The following SMCHD1 variants were observed in gnomAD, a reference collection of about 807,000 sequenced individuals.
SMCHD1 encodes the protein structural maintenance of chromosomes flexible hinge domain-containing protein 1.
A neutral mutation model predicts 254.7 loss-of-function variants in SMCHD1; 78 were observed. The ratio of observed to expected loss-of-function variants is 0.31; its 90% CI spans 0.26 to 0.37. The LOEUF is 0.37. Among genes scored for constraint, SMCHD1 ranks in the 10% least tolerant of loss-of-function variants. SMCHD1 has a pLI of 1.00. For synonymous variants in SMCHD1, 766 were observed against 794.9 expected (o/e 0.96, Z 0.61); for missense variants, 1,840 against 2,408.1 (o/e 0.76, Z 4.94).
chr18:2,751,616 T>C (rs1432367431), intron 33 of SMCHD1, among the ~76,000 whole-genome samples: 1 of 152,116 alleles, frequency 6.6e-6, no homozygotes, highest in African/African-American at 2.4e-5. Context: ...TTCTTAACAT[T>C]TTAAGATGCC....
chr18:2,656,375 G>A, intron 1 of SMCHD1, 114 bp downstream of exon 1: 3 of 1,023,540 alleles, frequency 2.9e-6, no homozygotes, highest in African/African-American at 1.7e-5. Flanking sequence ...CCGGTCCTGC[G>A]GCCTTGGCTT....
chr18:2,770,830 G>A (rs6506030), intron 39 of SMCHD1, among the ~76,000 whole-genome samples: 96,213 of 151,904 alleles, frequency 0.63, 31,227 homozygotes, highest in African/African-American at 0.79. Context: ...CATGTTGGCC[G>A]GGCTGGTCTC....
At chr18:2,738,950 T>C (rs1354305992) in intron 26 of SMCHD1, among the ~76,000 whole-genome samples, 1 of 152,188 alleles carries the variant, frequency 6.6e-6, no homozygotes, top group Non-Finnish European at 1.5e-5. Flanking sequence ...GGGACAGAAT[T>C]AAGTGAATGT....
Position 2,739,320 on chromosome 18 carries a change from T to C in SMCHD1, c.3426-112T>C, listed in dbSNP as rs148600037. The C allele has an allele frequency of 5.1e-3, 3,762 of 731,904 alleles. 17 individuals are homozygous for C. The highest frequency in any genetic ancestry group is 6.2e-3 in the Non-Finnish European group (2,632 of 421,420). The allele number at this position is 731,904 out of a possible 1,614,324, so 45.3% of individuals were successfully genotyped here. A position where few individuals can be genotyped will look rare whatever the true frequency, so the allele number is the denominator to read the frequency against. On this transcript the variant is annotated intron_variant, in intron 26 of 47. Transcript: ENST00000320876. ...TAAACAGTTATTTGAAGGAGTGTTA[T>C]TGTATTTGAGTTATTGGATATGAAC...
Position 2,763,629 on chromosome 18 carries a change from G to T in SMCHD1, c.4567-8G>T, listed in dbSNP as rs1296616731. The T allele has an allele frequency of 3.9e-6, 6 of 1,546,694 alleles. No homozygotes were observed. Among genetic ancestry groups the T allele is most frequent in the Non-Finnish European group, 3.5e-6 (4 of 1,154,340 alleles). On this transcript the variant is annotated splice_region_variant and splice_polypyrimidine_tract_variant and intron_variant, in intron 36 of 47. Coordinates refer to ENST00000320876, the MANE Select transcript of SMCHD1 (RefSeq NM_015295.3). ...TTTCTCTAATTGTTTTCCATTTTTT[G>T]TTTTAAGGATGACTACGACAACCAT... is the stretch of plus-strand genomic sequence containing the variant.
intron 5 of SMCHD1, among the ~76,000 whole-genome samples, chr18:2,678,182 G>T (rs553821306): frequency 2.0e-5 from 3 of 152,086 alleles, no homozygotes; most frequent in Middle Eastern, 3.4e-3. Flanking sequence ...GATTTACAAA[G>T]AATGCATTTA....
chr18:2,662,164 T>C (rs2073286670), intron 1 of SMCHD1, among the ~76,000 whole-genome samples: 1 of 59,068 alleles, frequency 1.7e-5, no homozygotes, highest in African/African-American at 1.0e-4. Context: ...AGACTCCGTC[T>C]CAAAAAAAAA....
chr18:2,689,239 A>G (rs1306852490), intron 7 of SMCHD1, among the ~76,000 whole-genome samples: 1 of 128,468 alleles, frequency 7.8e-6, no homozygotes, highest in African/African-American at 2.9e-5. Flanking sequence ...TTTTTTTGAG[A>G]TGGAGTCTCA....
intron 30 of SMCHD1, among the ~76,000 whole-genome samples, chr18:2,748,018 A>G (rs1255919960): frequency 6.6e-6 from 1 of 152,202 alleles, no homozygotes; most frequent in African/African-American, 2.4e-5. Flanking sequence ...TTGGGGAAAC[A>G]TACATGGTGA....
At chr18:2,738,071 T>C (rs1304096885) in intron 25 of SMCHD1, among the ~76,000 whole-genome samples, 1 of 152,218 alleles carries the variant, frequency 6.6e-6, no homozygotes, top group African/African-American at 2.4e-5. Context: ...AATATTGCTT[T>C]TCAGAATTAA....
chr18:2,726,057 G>A (rs1325293554), intron 21 of SMCHD1, among the ~76,000 whole-genome samples: 1 of 151,572 alleles, frequency 6.6e-6, no homozygotes, highest in East Asian at 1.9e-4. Context: ...GTACCACATT[G>A]CATTTCAAAA....
chr18:2,748,389 AATTTTTTTT>A (rs2075507118), intron 30 of SMCHD1, among the ~76,000 whole-genome samples: 1 of 22,658 alleles, frequency 4.4e-5, no homozygotes, highest in Non-Finnish European at 7.6e-5. Context: ...TGTGTATATA[AATTTTTTTT>A]TTTTTTTTTT....
chr18:2,721,559 A>G (rs926357029), intron 19 of SMCHD1, among the ~76,000 whole-genome samples: 17 of 151,252 alleles, frequency 1.1e-4, no homozygotes, highest in African/African-American at 3.2e-4. Context: ...CTTTTTGGGG[A>G]AAAAAAAATT....
At chr18:2,699,693 A>T (rs542929248) in intron 10 of SMCHD1, among the ~76,000 whole-genome samples, 3 of 152,360 alleles carry the variant, frequency 2.0e-5, no homozygotes, top group Non-Finnish European at 4.4e-5. Context: ...AATAGACAAA[A>T]AGATATAATT....
chr18:2,795,903 G>T, intron 45 of SMCHD1, 46 bp from the exon 46 acceptor site: 1 of 1,506,778 alleles, frequency 6.6e-7, no homozygotes, highest in South Asian at 1.3e-5. Context: ...ACATGAGTTT[G>T]GTTTAATAGC....
At chr18:2,798,788 G>C (rs2076306820) in intron 47 of SMCHD1, among the ~76,000 whole-genome samples, 1 of 152,180 alleles carries the variant, frequency 6.6e-6, no homozygotes, top group African/African-American at 2.4e-5. Context: ...TTTTAAAGAA[G>C]TATTTTATGA....
chr18:2,750,975 A>G (rs1871229413), intron 32 of SMCHD1, among the ~76,000 whole-genome samples: 1 of 152,074 alleles, frequency 6.6e-6, no homozygotes, highest in African/African-American at 2.4e-5. Flanking sequence ...ATATATATTG[A>G]TCTTTTGGCT....
intron 36 of SMCHD1, among the ~76,000 whole-genome samples, chr18:2,763,134 C>T (rs1026079021): frequency 1.3e-5 from 2 of 152,140 alleles, no homozygotes; most frequent in Non-Finnish European, 2.9e-5. Flanking sequence ...GGTTATTCTT[C>T]CCTAGACATC....
rs202183888 is a variant in SMCHD1 at position 2,705,443 on chromosome 18, GAC to G, written c.1843-247_1843-246del. Reference sequence around the variant, plus strand: ...ATTTGAAGGAATTCTGGACTTGTAAGACACATGCTTAATTCTAACACATTTGT... The same window carrying G: ...ATTTGAAGGAATTCTGGACTTGTAAGACATGCTTAATTCTAACACATTTGT... On this transcript the variant is annotated intron_variant, in intron 13 of 47. Coordinates refer to ENST00000320876, the MANE Select transcript of SMCHD1 (RefSeq NM_015295.3). Among the ~76,000 whole-genome samples the G allele has an allele frequency of 8.7e-3, 1,332 of 152,264 alleles. 22 individuals carry two copies. The highest frequency in any genetic ancestry group is 0.03 in the African/African-American group (1,262 of 41,560).
Sources: gnomAD v4.1 joint callset for allele counts (sites outside exome capture counted in the v4.1 genomes callset) on GRCh38, gnomAD v4.1.1 for gene constraint, MANE v1.5 for transcripts, NCBI Gene and HGNC (gene_info 2026-07-23, HGNC 2026-07-21) for gene names.